Variants in CBLB observed in about 807,000 individuals in gnomAD.
CBLB encodes the protein E3 ubiquitin-protein ligase CBL-B.
Under a neutral mutation model 104.9 loss-of-function variants are expected in CBLB, and 31 were observed. The observed-to-expected ratio is 0.30, with a 90% CI of 0.22 to 0.40. CBLB has a LOEUF of 0.40. Ranked by LOEUF, CBLB falls within the 10% of genes least tolerant of loss-of-function variation. CBLB has a pLI of 1.00. For synonymous variants in CBLB, 440 were observed against 422.6 expected, an observed-to-expected ratio of 1.04 and a Z score of -0.51; for missense variants, 1,062 against 1,214.6, an observed-to-expected ratio of 0.87 and a Z score of 1.87.
At chr3:105,695,750 A>G (rs2068285548) in intron 12 of CBLB, among the ~76,000 whole-genome samples, 1 of 151,826 alleles carries the variant, frequency 6.6e-6, no homozygotes, top group South Asian at 2.1e-4. Context: ...GATGTTTGGC[A>G]TCTGATAATA....
At chr3:105,778,084 T>G (rs1187473700) in intron 3 of CBLB, among the ~76,000 whole-genome samples, 2 of 152,096 alleles carry the variant, frequency 1.3e-5, no homozygotes, top group Admixed American at 1.3e-4. Flanking sequence ...TGCATGTGTA[T>G]GTGCACCTGT....
At chr3:105,791,488 AAC>A (rs2081637018) in intron 3 of CBLB, among the ~76,000 whole-genome samples, 2 of 152,198 alleles carry the variant, frequency 1.3e-5, no homozygotes, top group Admixed American at 1.3e-4. Context: ...GCAAACTCAA[AAC>A]ACATATTATC....
intron 7 of CBLB, 65 bp from the exon 8 acceptor site, chr3:105,737,323 A>C: frequency 2.5e-6 from 2 of 796,842 alleles, no homozygotes; most frequent in Non-Finnish European, 4.1e-6. Context: ...AAGGATATTT[A>C]ATCAAATTTT....
intron 4 of CBLB, among the ~76,000 whole-genome samples, chr3:105,759,825 TCCAAC>T (rs2077444476): frequency 6.6e-6 from 1 of 152,088 alleles, no homozygotes; most frequent in Non-Finnish European, 1.5e-5. Flanking sequence ...AGCATGGGGC[TCCAAC>T]CCCACCAACT....
At chr3:105,759,578 G>A (rs2077411706) in intron 4 of CBLB, among the ~76,000 whole-genome samples, 1 of 152,224 alleles carries the variant, frequency 6.6e-6, no homozygotes, top group African/African-American at 2.4e-5. Context: ...AGTCTGGAAA[G>A]GGATGCGGTG....
At chr3:105,807,845 T>C (rs1369430910) in intron 3 of CBLB, among the ~76,000 whole-genome samples, 2 of 152,172 alleles carry the variant, frequency 1.3e-5, no homozygotes, top group Non-Finnish European at 2.9e-5. Flanking sequence ...CCATGAATTA[T>C]TAGATAAGTA....
chr3:105,804,242 C>T (rs1364830760), intron 3 of CBLB, among the ~76,000 whole-genome samples: 4 of 151,956 alleles, frequency 2.6e-5, no homozygotes, highest in Admixed American at 6.6e-5. Flanking sequence ...AATGTAAAGC[C>T]GGGCGTGGTG....
intron 3 of CBLB, among the ~76,000 whole-genome samples, chr3:105,837,283 T>C (rs1165789472): frequency 6.6e-6 from 1 of 152,244 alleles, no homozygotes; most frequent in Non-Finnish European, 1.5e-5. Context: ...GAAGCACTTC[T>C]GTCAATAATA....
At chr3:105,772,295 G>A (rs1344300306) in intron 4 of CBLB, among the ~76,000 whole-genome samples, 10 of 152,112 alleles carry the variant, frequency 6.6e-5, no homozygotes, top group Admixed American at 6.6e-4. Flanking sequence ...TCAATAAACT[G>A]TGCTGGAAAA....
intron 4 of CBLB, among the ~76,000 whole-genome samples, chr3:105,764,328 A>G (rs1306873951): frequency 6.6e-6 from 1 of 152,204 alleles, no homozygotes; most frequent in African/African-American, 2.4e-5. Flanking sequence ...ATGAATTAGA[A>G]GAGAGATTAT....
intron 3 of CBLB, among the ~76,000 whole-genome samples, chr3:105,779,961 C>T (rs2079977042): frequency 6.6e-6 from 1 of 151,734 alleles, no homozygotes; most frequent in African/African-American, 2.4e-5. Context: ...TCAAGCAATC[C>T]TCCTGTCTCA....
chr3:105,708,124 C>T (rs1022863441), intron 10 of CBLB, among the ~76,000 whole-genome samples: 1 of 152,060 alleles, frequency 6.6e-6, no homozygotes, highest in African/African-American at 2.4e-5. Flanking sequence ...CAGCCATTTC[C>T]TCCACCCTTT....
intron 6 of CBLB, among the ~76,000 whole-genome samples, chr3:105,744,643 C>A (rs1376424621): frequency 6.6e-6 from 1 of 151,610 alleles, no homozygotes; most frequent in African/African-American, 2.4e-5. Flanking sequence ...AAAAAAAAAA[C>A]TGTTTTGGCC....
At position 105,659,168 on chromosome 3, in the gene CBLB, A is replaced by C. The variant is rs764592717; in HGVS notation, c.2751T>G (p.Ile917Met). The C allele has an allele frequency of 1.2e-6, 2 of 1,613,872 alleles. No homozygotes were observed. The highest frequency in any genetic ancestry group is 1.7e-6 in the Non-Finnish European group (2 of 1,179,902). The change falls in exon 19 of 19, where the codon ATT becomes ATG. Residue 917 changes from isoleucine to methionine, a missense_variant. Physicochemically the swap from Ile to Met is conservative, Grantham distance 10. This residue lies in a region of CBLB where 605 missense variants were observed against 582.6 expected (regional missense o/e 1.04). Transcript: ENST00000394030. ...KPRPRRTAPE[I>M]HHRKPHGPEA... ...CAGGCCCATGGGGTTTTCTGTGGTG[A>C]ATTTCTGGTGCAGTCCTGCGCGGTC...
At chr3:105,749,700 C>CT (rs2076419815) in intron 5 of CBLB, 2 of 241,890 alleles carry the variant, frequency 8.3e-6, no homozygotes, top group African/African-American at 4.7e-5. Flanking sequence ...AAGCAAAGCT[C>CT]TTACTATTTA....
chr3:105,818,968 T>C (rs2085443679), intron 3 of CBLB, among the ~76,000 whole-genome samples: 1 of 152,208 alleles, frequency 6.6e-6, no homozygotes, highest in Non-Finnish European at 1.5e-5. Flanking sequence ...CAACTATCCC[T>C]GACTTAACTT....
At chr3:105,710,236 G>C (rs1188703800) in intron 10 of CBLB, among the ~76,000 whole-genome samples, 7 of 151,824 alleles carry the variant, frequency 4.6e-5, no homozygotes, top group Non-Finnish European at 1.0e-4. Flanking sequence ...GTTAATGAAT[G>C]ACTAAAGTAT....
chr3:105,746,273 CA>C (rs2076090822), intron 5 of CBLB, among the ~76,000 whole-genome samples: 1 of 152,056 alleles, frequency 6.6e-6, no homozygotes, highest in South Asian at 2.1e-4. Flanking sequence ...ATACAGAGAA[CA>C]AAAAAGAAAA....
At chr3:105,733,879 T>C (rs2074612211) in intron 9 of CBLB, 130 bp downstream of exon 9, 2 of 771,866 alleles carry the variant, frequency 2.6e-6, no homozygotes, top group Admixed American at 2.5e-5. Context: ...AACTCAAACA[T>C]ATAAAATCTT....
Sources: allele counts gnomAD v4.1 joint callset (sites outside exome capture counted in the v4.1 genomes callset), GRCh38; gene constraint gnomAD v4.1.1; regional missense constraint gnomAD v4.1.1; transcripts MANE v1.5; gene names NCBI Gene and HGNC (gene_info 2026-07-23, HGNC 2026-07-21).